Variants in WBP2NL observed in about 807,000 individuals in gnomAD.
WBP2NL encodes postacrosomal sheath WW domain-binding protein.
WBP2NL carries 27 observed loss-of-function variants against 23.3 expected under a neutral mutation model. The observed-to-expected ratio is 1.16, with a 90% CI of 0.85 to 1.60. WBP2NL has a LOEUF of 1.60. Among genes scored for constraint, WBP2NL ranks in the 40% most tolerant of loss-of-function variants. WBP2NL has a pLI of 0.00. For synonymous variants in WBP2NL, 151 were observed against 145.9 expected (o/e 1.03, Z -0.25); for missense variants, 370 against 389.5 (o/e 0.95, Z 0.42).
intron 8 of WBP2NL, among the ~76,000 whole-genome samples, chr22:42,042,076 G>A (rs73418983): frequency 0.051 from 7,737 of 152,218 alleles, 682 homozygotes; most frequent in African/African-American, 0.18. Flanking sequence ...ATGACAAGTT[G>A]CTTTTTTCTT....
In WBP2NL at chr22:42,020,056, C is replaced by T; in HGVS notation, c.366C>T (p.Ala122=). The change falls in exon 4 of 6, where the codon GCC becomes GCT. Residue 122 remains alanine (A), a synonymous_variant. Coordinates refer to ENST00000328823, the MANE Select transcript of WBP2NL (RefSeq NM_152613.3). ...AATTAGTCTTCAGAAATGGAGATGC[C>T]ATTGAATTTGCCCAGTTGATGGTGA... is the stretch of plus-strand genomic sequence containing the variant. ...TFKLVFRNGD[A]IEFAQLMVKA... 6.2e-7 allele frequency: 1 copy of T among 1,614,066 alleles called. No homozygotes were observed. Among genetic ancestry groups the T allele is most frequent in the East Asian group, 2.2e-5 (1 of 44,884 alleles).
Position 42,022,268 on chromosome 22 carries a change from T to C in WBP2NL, c.426T>C (p.Leu142=). The C allele has an allele frequency of 1.2e-6, 2 of 1,614,232 alleles. No homozygotes were observed. Among genetic ancestry groups the C allele is most frequent in the Non-Finnish European group, 8.5e-7 (1 of 1,180,026 alleles). The change falls in exon 5 of 6, where the codon CTT becomes CTC. Residue 142 remains leucine (L), a synonymous_variant. Transcript: ENST00000328823. Reference sequence around the variant, plus strand: ...TTCCAGCTGCCCGAGGATTTCCACTTAGAACCTTAAATGACTGGTTCAGCT... The same window carrying C: ...TTCCAGCTGCCCGAGGATTTCCACTCAGAACCTTAAATGACTGGTTCAGCT... The part of the protein sequence containing the change: ...AASAAARGFP[L]RTLNDWFSSM...
downstream of WBP2NL, among the ~76,000 whole-genome samples, chr22:42,037,749 A>G (rs1358294215): frequency 2.0e-5 from 3 of 151,514 alleles, no homozygotes; most frequent in African/African-American, 7.3e-5. Flanking sequence ...TAGAGATGCT[A>G]TGGAGTTTTA....
At chr22:42,020,866 GTGTATATATATATATATA>G (rs1430139489) in intron 4 of WBP2NL, among the ~76,000 whole-genome samples, 87 of 15,578 alleles carry the variant, frequency 5.6e-3, no homozygotes, top group East Asian at 7.4e-3. Flanking sequence ...GTGTGTGTGT[GTGTATATATATATATATA>G]TATATATATA....
intron 8 of WBP2NL, among the ~76,000 whole-genome samples, chr22:42,057,869 G>GTATATATATATATATATATATATA (rs5845518): frequency 3.1e-5 from 1 of 32,540 alleles, no homozygotes; most frequent in Admixed American, 6.3e-4. Context: ...GTGTGTGTAT[G>GTATATATATATATATATATATATA]TATATATATA....
rs1392462298 is a variant in WBP2NL, at chr22:42,019,343, C to G, written c.95C>G (p.Ser32Cys). 4 of 1,614,162 alleles carry G rather than the reference C, an allele frequency of 2.5e-6. No individual in the cohort carries two copies. Among genetic ancestry groups the G allele is most frequent in the Non-Finnish European group, 3.4e-6 (4 of 1,180,042 alleles). ...AAGCGGTCTCCGAATGTGGAGCTCT[C>G]CTTCCCACAGCGATCAGAAGGCTCA... ...LLKRSPNVELSFPQRSEGSNV... is the reference protein window; with the variant it reads ...LLKRSPNVELCFPQRSEGSNV... The change falls in exon 2 of 6, where the codon TCC (serine) becomes TGC (cysteine). Residue 32 changes from serine (S) to cysteine (C), a missense_variant. Ser to Cys is a moderately radical substitution (Grantham distance 112, BLOSUM62 -1). Transcript: ENST00000328823.
chr22:42,029,122 T>C (rs1014381668), downstream of WBP2NL, among the ~76,000 whole-genome samples: 1 of 152,090 alleles, frequency 6.6e-6, no homozygotes, highest in African/African-American at 2.4e-5. Flanking sequence ...CTTATCTTAT[T>C]GTAGGCTCAT....
chr22:42,035,136 A>G (rs948244286), downstream of WBP2NL, among the ~76,000 whole-genome samples: 2 of 152,278 alleles, frequency 1.3e-5, no homozygotes, highest in Non-Finnish European at 2.9e-5. Flanking sequence ...GACTGCAGTA[A>G]AGACAGGCAT....
At chr22:42,007,523 TC>T (rs1365201252) in intron 1 of WBP2NL, among the ~76,000 whole-genome samples, 2 of 152,186 alleles carry the variant, frequency 1.3e-5, no homozygotes, top group Admixed American at 1.3e-4. Context: ...ACCATACTTT[TC>T]CCAACAATTC....
chr22:42,027,284 G>C lies in WBP2NL; in HGVS notation c.*103G>C. On this transcript the variant is annotated 3_prime_UTR_variant, in exon 6 of 6. Coordinates refer to ENST00000328823, the MANE Select transcript of WBP2NL (RefSeq NM_152613.3). ...TCAGGTATGTGATCACAGGCTTCTC[G>C]CAGGTAGTTGTTCCACCCTTTGGAA... The C allele has an allele frequency of 1.4e-6, 2 of 1,416,586 alleles. No homozygotes were observed. 87.8% of individuals were successfully genotyped at this position (1,416,586 alleles called of 1,614,324 possible).
intron 8 of WBP2NL, among the ~76,000 whole-genome samples, chr22:42,051,200 T>A (rs1345380389): frequency 6.6e-6 from 1 of 152,324 alleles, no homozygotes; most frequent in East Asian, 1.9e-4. Flanking sequence ...TGAAAAGATA[T>A]GGAGGAACCC....
At chr22:42,053,579 C>G (rs1380628933) in intron 8 of WBP2NL, among the ~76,000 whole-genome samples, 1 of 152,030 alleles carries the variant, frequency 6.6e-6, no homozygotes, top group Non-Finnish European at 1.5e-5. Context: ...CCTGCCTCAG[C>G]CTCATAAGTA....
At chr22:42,054,120 G>C (rs1925943025) in intron 8 of WBP2NL, among the ~76,000 whole-genome samples, 1 of 151,936 alleles carries the variant, frequency 6.6e-6, no homozygotes, top group Non-Finnish European at 1.5e-5. Flanking sequence ...AGTATACTTT[G>C]ACACAGAAAA....
intron 1 of WBP2NL, among the ~76,000 whole-genome samples, chr22:42,013,008 G>A (rs1024948882): frequency 6.6e-5 from 10 of 151,086 alleles, no homozygotes; most frequent in South Asian, 4.2e-4. Context: ...AAAAAACAAC[G>A]GAGTGTTTTT....
chr22:42,041,700 T>C (rs1316220543), intron 8 of WBP2NL, among the ~76,000 whole-genome samples: 1 of 152,158 alleles, frequency 6.6e-6, no homozygotes, highest in Non-Finnish European at 1.5e-5. Flanking sequence ...ATTTTTATTT[T>C]TCAACTTTTG....
At chr22:42,000,804 G>A (rs1435580013) in intron 1 of WBP2NL, among the ~76,000 whole-genome samples, 14 of 151,620 alleles carry the variant, frequency 9.2e-5, no homozygotes, top group South Asian at 2.1e-4. Context: ...GAGTGGTGGC[G>A]GATGTCTGTA....
At chr22:42,056,739 A>T (rs567899465) in intron 8 of WBP2NL, among the ~76,000 whole-genome samples, 108 of 152,036 alleles carry the variant, frequency 7.1e-4, no homozygotes, top group Non-Finnish European at 1.4e-3. Context: ...TAGTAGGTGT[A>T]TATATTTATG....
At chr22:42,037,581 A>G (rs1925233113), downstream of WBP2NL, among the ~76,000 whole-genome samples, 1 of 152,138 alleles carries the variant, frequency 6.6e-6, no homozygotes, top group Admixed American at 6.6e-5. Context: ...ATCTGTGAAC[A>G]TGAGATGTCT....
At chr22:42,043,173 G>A (rs1052890531) in intron 8 of WBP2NL, among the ~76,000 whole-genome samples, 1 of 152,190 alleles carries the variant, frequency 6.6e-6, no homozygotes, top group African/African-American at 2.4e-5. Context: ...TCCACAAAGT[G>A]TGGGGGCATG....
Sources: allele counts gnomAD v4.1 joint callset (sites outside exome capture counted in the v4.1 genomes callset), GRCh38; gene constraint gnomAD v4.1.1; transcripts MANE v1.5; gene names NCBI Gene and HGNC (gene_info 2026-07-23, HGNC 2026-07-21).